The following CCDC125 variants were observed in gnomAD, a reference collection of about 807,000 sequenced individuals.
The protein encoded by CCDC125 is coiled-coil domain-containing protein 125.
CCDC125 carries 43 observed loss-of-function variants against 57.4 expected under a neutral mutation model. The observed-to-expected ratio is 0.75, with a 90% confidence interval of 0.59 to 0.97. The LOEUF is 0.97. Ranked by LOEUF, CCDC125 falls within the 50% of genes least tolerant of loss-of-function variation. The pLI, the probability that CCDC125 is intolerant of heterozygous loss-of-function variation, is 0.00. For missense variants in CCDC125, 563 were observed against 595.7 expected, an observed-to-expected ratio of 0.95 and a Z score of 0.57; for synonymous variants, 187 against 195.2, an observed-to-expected ratio of 0.96 and a Z score of 0.35.
chr5:69,318,797 GA>G (rs949005609), intron 2 of CCDC125, among the ~76,000 whole-genome samples: 14 of 151,320 alleles, frequency 9.3e-5, no homozygotes, highest in African/African-American at 1.7e-4. Context: ...AAAGTAAAAA[GA>G]AAAAAAATGT....
At chr5:69,307,430 C>G (rs993173942) in intron 5 of CCDC125, among the ~76,000 whole-genome samples, 1 of 151,960 alleles carries the variant, frequency 6.6e-6, no homozygotes, top group Non-Finnish European at 1.5e-5. Flanking sequence ...CGCCTGTAAT[C>G]CCAGCACTTT....
intron 11 of CCDC125, among the ~76,000 whole-genome samples, chr5:69,284,130 CAG>C (rs886719904): frequency 3.3e-5 from 5 of 150,092 alleles, no homozygotes; most frequent in Non-Finnish European, 5.9e-5. Flanking sequence ...AAAAAAAAAA[CAG>C]AAGACAGCAT....
intron 2 of CCDC125, among the ~76,000 whole-genome samples, chr5:69,317,511 A>G (rs1423294211): frequency 6.6e-6 from 1 of 152,172 alleles, no homozygotes; most frequent in Non-Finnish European, 1.5e-5. Context: ...TAAATCTGAA[A>G]CCATGTTTCT....
At chr5:69,297,510 C>T (rs1226023314) in intron 8 of CCDC125, among the ~76,000 whole-genome samples, 1 of 151,814 alleles carries the variant, frequency 6.6e-6, no homozygotes, top group Non-Finnish European at 1.5e-5. Context: ...CAGGCATACA[C>T]CACCACGCCC....
intron 2 of CCDC125, among the ~76,000 whole-genome samples, chr5:69,317,343 G>T (rs981605899): frequency 1.3e-5 from 2 of 152,078 alleles, no homozygotes; most frequent in African/African-American, 4.8e-5. Flanking sequence ...TTAGCATCAT[G>T]CTCAGTTTCC....
chr5:69,284,701 G>A (rs1753027902), intron 11 of CCDC125, among the ~76,000 whole-genome samples: 1 of 152,160 alleles, frequency 6.6e-6, no homozygotes, highest in Non-Finnish European at 1.5e-5. Context: ...TGAATTAACA[G>A]GAAGCAAATA....
downstream of CCDC125, chr5:69,277,119 A>G: frequency 6.3e-7 from 1 of 1,599,498 alleles, no homozygotes; most frequent in African/African-American, 1.3e-5. Context: ...GGATTGCCCA[A>G]GAAACTAATT....
At chr5:69,310,502 G>GT (rs1160936805) in intron 4 of CCDC125, 1 of 159,236 alleles carries the variant, frequency 6.3e-6, no homozygotes, top group Non-Finnish European at 1.4e-5. Flanking sequence ...ATGTGGAACT[G>GT]TAAGTCCAAT....
rs1285446434 is a variant in CCDC125, at chr5:69,282,214, G to A, written c.*515C>T. The A allele has an allele frequency of 6.7e-6, 1 of 150,212 alleles. No homozygotes were observed. The highest frequency in any genetic ancestry group is 1.5e-5 in the Non-Finnish European group (1 of 67,718). 9.3% of individuals were successfully genotyped at this position (150,212 alleles called of 1,614,324 possible). On this transcript the variant is annotated 3_prime_UTR_variant, in exon 12 of 12. Transcript: ENST00000396496. ...GCCTGTAATGTAATTTATAAATACAGTAATGTAATTTATAAATAAAATGTC... is the reference window on the plus strand; with the variant it reads ...GCCTGTAATGTAATTTATAAATACAATAATGTAATTTATAAATAAAATGTC...
At chr5:69,303,731 T>TA (rs1442488475) in intron 7 of CCDC125, 116 bp downstream of exon 7, 3 of 632,084 alleles carry the variant, frequency 4.7e-6, no homozygotes, top group Non-Finnish European at 7.9e-6. Context: ...TTCTTAAATT[T>TA]AAAAAACCTA....
the CCDC125 span, among the ~76,000 whole-genome samples, chr5:69,274,238 GAT>G: frequency 6.6e-6 from 1 of 152,174 alleles, no homozygotes; most frequent in Admixed American, 6.5e-5. Flanking sequence ...TTGTTTCATG[GAT>G]GTCTTTATTA....
chr5:69,308,199 T>C (rs1757638279), intron 4 of CCDC125, 171 bp from the exon 5 acceptor site: 1 of 604,490 alleles, frequency 1.7e-6, no homozygotes. Flanking sequence ...TCAGGAGATC[T>C]TGGTTTGGCT....
At chr5:69,289,631 G>C (rs780269226) in intron 10 of CCDC125, among the ~76,000 whole-genome samples, 28 of 152,302 alleles carry the variant, frequency 1.8e-4, no homozygotes, top group Middle Eastern at 6.8e-3. Context: ...GGAGGCCGAG[G>C]AGGGAGGACC....
At chr5:69,315,988 G>A (rs755431352) in intron 2 of CCDC125, among the ~76,000 whole-genome samples, 2 of 148,056 alleles carry the variant, frequency 1.4e-5, no homozygotes, top group African/African-American at 2.5e-5. Context: ...AGTATAGGAA[G>A]TAAAAAAAAA....
chr5:69,292,684 G>A (rs1181834990), intron 9 of CCDC125, among the ~76,000 whole-genome samples: 1 of 152,050 alleles, frequency 6.6e-6, no homozygotes, highest in Non-Finnish European at 1.5e-5. Context: ...AAGATAAGAG[G>A]ATACCAAAGG....
intron 8 of CCDC125, among the ~76,000 whole-genome samples, chr5:69,296,223 T>C (rs1463202431): frequency 6.6e-6 from 1 of 151,402 alleles, no homozygotes; most frequent in Non-Finnish European, 1.5e-5. Context: ...CCTTGGGTGA[T>C]CCATCCTCAA....
rs755332298 is a variant in CCDC125 at position 69,320,462 on chromosome 5, C to T, written c.79G>A (p.Asp27Asn). The T allele has an allele frequency of 1.9e-5, 31 of 1,613,502 alleles. No homozygotes were observed. In the East Asian group the frequency reaches 2.0e-4, roughly 10 times the overall value. ...ETEEDDMTEG[D>N]LGYGLGRKPG... The stretch of plus-strand genomic sequence containing the variant: ...TTCCTTCCGAGGCCATACCCTAAAT[C>T]ACCTTCTGTCATGTCATCCTCTTCT... The change falls in exon 2 of 12, where the codon GAT becomes AAT. Residue 27 changes from aspartate to asparagine, a missense_variant. Physicochemically the swap from Asp to Asn is conservative, Grantham distance 23. Coordinates refer to ENST00000396496, the MANE Select transcript of CCDC125 (RefSeq NM_176816.5).
intron 2 of CCDC125, 149 bp downstream of exon 2, chr5:69,320,088 A>ACTC (rs1759779469): frequency 7.8e-6 from 6 of 765,824 alleles, no homozygotes; most frequent in Non-Finnish European, 1.0e-5. Flanking sequence ...GTGCCACTGC[A>ACTC]CTCCAGCCTG....
chr5:69,330,240 C>T (rs180923304), intron 1 of CCDC125, among the ~76,000 whole-genome samples: 1 of 152,148 alleles, frequency 6.6e-6, no homozygotes, highest in Admixed American at 6.6e-5. Flanking sequence ...GCTTCTTTTA[C>T]TAATCTTAAA....
Sources: allele counts gnomAD v4.1 joint callset (sites outside exome capture counted in the v4.1 genomes callset), GRCh38; gene constraint gnomAD v4.1.1; transcripts MANE v1.5; gene names NCBI Gene and HGNC (gene_info 2026-07-23, HGNC 2026-07-21).